ZC3H7A: variants seen among roughly 807,000 people sequenced by gnomAD.
The protein encoded by ZC3H7A is zinc finger CCCH-type containing 7A, also known as zinc finger CCCH domain-containing protein 7A.
Under a neutral mutation model 125.5 loss-of-function variants are expected in ZC3H7A, and 44 were observed. The observed-to-expected ratio is 0.35, with a 90% CI of 0.28 to 0.45. The LOEUF is 0.45. Ranked by LOEUF, ZC3H7A falls within the 20% of genes least tolerant of loss-of-function variation. The pLI is 1.00. For missense variants in ZC3H7A, 977 were observed against 1,170.7 expected, an observed-to-expected ratio of 0.83 and a Z score of 2.41; for synonymous variants, 399 against 391.2, an observed-to-expected ratio of 1.02 and a Z score of -0.23.
rs547498190 is a variant in ZC3H7A, at chr16:11,790,833, G to A, written c.-35+6291C>T. Reference sequence around the variant, plus strand: ...AGAGGTTGCAGTGAGCCAAGATTGCGCCACTGCACTCCAGCCTGGGCCACA... The same window carrying A: ...AGAGGTTGCAGTGAGCCAAGATTGCACCACTGCACTCCAGCCTGGGCCACA... On this transcript the variant is annotated intron_variant, in intron 1 of 22. Coordinates refer to ENST00000355758, the MANE Select transcript of ZC3H7A (RefSeq NM_014153.4). Among the ~76,000 whole-genome samples the A allele has an allele frequency of 8.6e-5, 13 of 151,482 alleles. 1 individual carries two copies. Among genetic ancestry groups the A allele is most frequent in the Admixed American group, 3.3e-4 (5 of 15,196 alleles).
rs1241523752 is a variant in ZC3H7A at position 11,763,533 on chromosome 16, G to A, written c.1947C>T (p.Cys649=). The A allele has an allele frequency of 6.2e-7, 1 of 1,609,186 alleles. No individual in the cohort carries two copies. Among genetic ancestry groups the A allele is most frequent in the Non-Finnish European group, 8.5e-7 (1 of 1,177,522 alleles). Residue 649 remains cysteine, a synonymous_variant, in exon 16 of 23, where the codon TGC becomes TGT. Coordinates refer to ENST00000355758, the MANE Select transcript of ZC3H7A (RefSeq NM_014153.4). ...GTTCCACAAGACTATGGGCATAAAA[G>A]CACTCATCTTCCCTTAAACAGCCAT... ...VRYGCLREDE[C]FYAHSLVELK...
chr16:11,761,735 T>A (rs761848436), intron 18 of ZC3H7A, 175 bp downstream of exon 18: 2 of 937,872 alleles, frequency 2.1e-6, no homozygotes, highest in East Asian at 5.3e-5. Flanking sequence ...ACACTACTTG[T>A]GAATTCTTAT....
At chr16:11,777,882 G>A (rs1242382790) in intron 4 of ZC3H7A, among the ~76,000 whole-genome samples, 2 of 151,944 alleles carry the variant, frequency 1.3e-5, no homozygotes. Context: ...AGCCAGGTGT[G>A]GTGGTACATG....
At chr16:11,776,993 A>T (rs2053091231) in intron 4 of ZC3H7A, 84 bp from the exon 5 acceptor site, 1 of 1,174,380 alleles carries the variant, frequency 8.5e-7, no homozygotes, top group East Asian at 2.7e-5. Flanking sequence ...AAAACAAATT[A>T]ATACCCCATC....
Position 11,776,565 on chromosome 16 carries a change from T to C in ZC3H7A, c.466-33A>G, listed in dbSNP as rs754621735. The C allele has an allele frequency of 8.9e-6, 14 of 1,566,844 alleles. No homozygotes were observed. In the South Asian group the frequency reaches 1.5e-4, roughly 17 times the overall value. ...AAATAAGTATGTATAATTAACAGGG[T>C]TATATTTACTAATGGTGAAGAAGAA... is the stretch of plus-strand genomic sequence containing the variant. On this transcript the variant is annotated intron_variant, in intron 5 of 22. Coordinates refer to ENST00000355758, the MANE Select transcript of ZC3H7A (RefSeq NM_014153.4).
rs761306950 is a variant in ZC3H7A at position 11,779,346 on chromosome 16, G to A, written c.126C>T (p.Leu42=). 58 of 1,613,188 alleles carry A rather than the reference G, an allele frequency of 3.6e-5. No homozygotes were observed. Among genetic ancestry groups the A allele is most frequent in the Admixed American group, 6.7e-5 (4 of 59,894 alleles). Residue 42 remains leucine (L), a synonymous_variant, in exon 4 of 23, where the codon CTC becomes CTT. Transcript: ENST00000355758. ...TTCCTTCATTAAAAAGATTTCTCACGAGAGCACGCAAATATACCTAAAAAA... is the reference window on the plus strand; with the variant it reads ...TTCCTTCATTAAAAAGATTTCTCACAAGAGCACGCAAATATACCTAAAAAA... ...QEQYAVYLRA[L]VRNLFNEGND...
Position 11,762,020 on chromosome 16 carries a change from A to G in ZC3H7A, c.2103T>C (p.Pro701=). Residue 701 remains proline (P), a synonymous_variant, in exon 18 of 23, where the codon CCT becomes CCC. Transcript: ENST00000355758. ...GAQVLGNQIM[P]GFLNMKIKFV... is the part of the protein sequence containing the mutation. ...ACTTTATCTTCATATTAAGAAATCC[A>G]GGCATTATTTGATTACCAAGTACCT... The G allele has an allele frequency of 6.2e-7, 1 of 1,610,796 alleles. No homozygotes were observed. Among genetic ancestry groups the G allele is most frequent in the East Asian group, 2.2e-5 (1 of 44,790 alleles).
chr16:11,767,630 T>C (rs764766918), intron 12 of ZC3H7A, 52 bp from the exon 13 acceptor site: 1 of 1,462,944 alleles, frequency 6.8e-7, no homozygotes, highest in Non-Finnish European at 9.1e-7. Context: ...TATCATTTCA[T>C]TTTACAGGTA....
At chr16:11,761,320 C>A (rs1387297179) in intron 19 of ZC3H7A, 86 bp downstream of exon 19, 1 of 1,280,120 alleles carries the variant, frequency 7.8e-7, no homozygotes, top group Non-Finnish European at 1.1e-6. Context: ...ATTTAAAGGG[C>A]TTGAGTTTCA....
At chr16:11,754,785 G>A (rs8044000) in intron 21 of ZC3H7A, among the ~76,000 whole-genome samples, 66,902 of 150,520 alleles carry the variant, frequency 0.44, 15,317 homozygotes, top group East Asian at 0.6. Context: ...CCAGCTACAC[G>A]GGAGGCTGAG....
intron 16 of ZC3H7A, 105 bp downstream of exon 16, chr16:11,763,373 T>C: frequency 8.6e-7 from 1 of 1,167,048 alleles, no homozygotes; most frequent in Non-Finnish European, 1.2e-6. Context: ...CCTCCCAAAG[T>C]AGTGGGATTA....
chr16:11,778,947 C>T (rs923965809), intron 4 of ZC3H7A, among the ~76,000 whole-genome samples: 11 of 152,112 alleles, frequency 7.2e-5, no homozygotes, highest in African/African-American at 2.7e-4. Flanking sequence ...CTCCTAACCT[C>T]ATGATCCACC....
Position 11,769,588 on chromosome 16 carries a change from G to A in ZC3H7A, c.1109-493C>T, listed in dbSNP as rs919457782. Among the ~76,000 whole-genome samples, 3 of 150,780 alleles carry A rather than the reference G, an allele frequency of 2.0e-5. No individual in the cohort carries two copies. In the South Asian group the frequency reaches 6.3e-4, roughly 32 times the overall value. ...TTGCCAGGTGTGATGGCAGGCGCCT[G>A]TAATCCCAGCTACTCAGGAGGCTGA... On this transcript the variant is annotated intron_variant, in intron 10 of 22. Coordinates refer to ENST00000355758, the MANE Select transcript of ZC3H7A (RefSeq NM_014153.4).
chr16:11,774,140 C>G lies in ZC3H7A; in HGVS notation c.903+96G>C, dbSNP rs576350253. 6.7e-6 allele frequency: 8 copies of G among 1,193,174 alleles called. No individual in the cohort carries two copies. In the South Asian group the frequency reaches 8.5e-5, roughly 13 times the overall value. 73.9% of individuals were successfully genotyped at this position (1,193,174 alleles called of 1,614,324 possible). On this transcript the variant is annotated intron_variant, in intron 9 of 22. Transcript: ENST00000355758. ...GGTTAAAAAAACCCCCAAATTCAGC[C>G]TATATGCAATACTGAAAAAGTCTAT...
At chr16:11,774,176 T>C (rs192354617) in intron 9 of ZC3H7A, 60 bp downstream of exon 9, 201 of 1,429,234 alleles carry the variant, frequency 1.4e-4, no homozygotes, top group South Asian at 2.6e-4. Context: ...CAAGTTATAT[T>C]ACAATTTTTA....
intron 1 of ZC3H7A, among the ~76,000 whole-genome samples, chr16:11,783,364 G>A (rs1369898497): frequency 6.6e-6 from 1 of 151,934 alleles, no homozygotes; most frequent in Non-Finnish European, 1.5e-5. Flanking sequence ...AACGTTCACC[G>A]AGCAGTTCCC....
chr16:11,786,338 G>A (rs1411676544), intron 1 of ZC3H7A, among the ~76,000 whole-genome samples: 2 of 152,180 alleles, frequency 1.3e-5, no homozygotes, highest in African/African-American at 4.8e-5. Context: ...TCTGAAACCA[G>A]GACGATGGCC....
intron 9 of ZC3H7A, among the ~76,000 whole-genome samples, chr16:11,773,678 C>T (rs1596392319): frequency 6.6e-6 from 1 of 151,710 alleles, no homozygotes; most frequent in Non-Finnish European, 1.5e-5. Flanking sequence ...GTCAGGAGAT[C>T]AAGACCATTC....
At chr16:11,783,324 T>G (rs143367855) in intron 1 of ZC3H7A, among the ~76,000 whole-genome samples, 93 of 152,312 alleles carry the variant, frequency 6.1e-4, no homozygotes, top group Admixed American at 1.4e-3. Flanking sequence ...TCAACACATA[T>G]CATTCTTTTG....
Sources: allele counts gnomAD v4.1 joint callset (sites outside exome capture counted in the v4.1 genomes callset), GRCh38; gene constraint gnomAD v4.1.1; transcripts MANE v1.5; gene names NCBI Gene and HGNC (gene_info 2026-07-23, HGNC 2026-07-21).